Variants in NEDD4L observed in about 807,000 individuals in gnomAD.
NEDD4L encodes NEDD4 like E3 ubiquitin protein ligase, also known as E3 ubiquitin-protein ligase NEDD4-like.
Under a neutral mutation model 148.9 loss-of-function variants are expected in NEDD4L, and 54 were observed. That is an observed-to-expected ratio of 0.36 (90% CI 0.29 to 0.45). The LOEUF is 0.45. NEDD4L is among the 20% of genes least tolerant of loss of function. The pLI is 1.00. For synonymous variants in NEDD4L, 433 were observed against 440.7 expected, an observed-to-expected ratio of 0.98 and a Z score of 0.22; for missense variants, 856 against 1,233.8, an observed-to-expected ratio of 0.69 and a Z score of 4.59.
chr18:58,094,639 G>A (rs377208133), intron 1 of NEDD4L, among the ~76,000 whole-genome samples: 57 of 152,154 alleles, frequency 3.7e-4, no homozygotes, highest in African/African-American at 1.3e-3. Flanking sequence ...GTGTTTATTC[G>A]TAATCACACC....
At chr18:58,111,038 G>A (rs545318392) in intron 1 of NEDD4L, among the ~76,000 whole-genome samples, 7 of 152,196 alleles carry the variant, frequency 4.6e-5, no homozygotes, top group Admixed American at 3.3e-4. Flanking sequence ...TATATTCAAC[G>A]TTGTGCAACC....
intron 21 of NEDD4L, among the ~76,000 whole-genome samples, 165 bp from the exon 22 acceptor site, chr18:58,367,581 C>T (rs185060165): frequency 1.3e-3 from 195 of 152,322 alleles, no homozygotes; most frequent in Middle Eastern, 6.8e-3. Flanking sequence ...TGGTGGGTCA[C>T]GGTTGAGCAT....
intron 16 of NEDD4L, among the ~76,000 whole-genome samples, chr18:58,348,203 G>GC (rs1301855483): frequency 2.6e-5 from 4 of 151,866 alleles, no homozygotes; most frequent in African/African-American, 9.7e-5. Context: ...TTGCTTTGTT[G>GC]CCCAGGATGG....
intron 1 of NEDD4L, among the ~76,000 whole-genome samples, chr18:58,153,342 T>TC (rs1402897712): frequency 6.6e-6 from 1 of 151,208 alleles, no homozygotes; most frequent in African/African-American, 2.4e-5. Flanking sequence ...GACTTTTTTT[T>TC]TTTTTTTTTT....
At chr18:58,368,533 A>G (rs934107247) in intron 22 of NEDD4L, among the ~76,000 whole-genome samples, 1 of 152,218 alleles carries the variant, frequency 6.6e-6, no homozygotes, top group African/African-American at 2.4e-5. Context: ...ATACTTTTTA[A>G]GAGCCTGGAG....
intron 5 of NEDD4L, among the ~76,000 whole-genome samples, chr18:58,296,979 T>C (rs190263682): frequency 1.3e-5 from 2 of 151,394 alleles, no homozygotes; most frequent in East Asian, 3.9e-4. Context: ...CCCAGCTACT[T>C]GGGAGGCTGA....
At chr18:58,205,036 G>C (rs1855991036) in intron 2 of NEDD4L, among the ~76,000 whole-genome samples, 2 of 152,186 alleles carry the variant, frequency 1.3e-5, no homozygotes, top group African/African-American at 4.8e-5. Context: ...GGGATGTTTG[G>C]GTTGAGAGTT....
chr18:58,082,528 T>C (rs1190560637), intron 1 of NEDD4L, among the ~76,000 whole-genome samples: 2 of 151,236 alleles, frequency 1.3e-5, no homozygotes, highest in African/African-American at 4.9e-5. Flanking sequence ...TCCCAGCACT[T>C]TGGGGGGCTG....
chr18:58,315,113 T>A (rs961122817), intron 5 of NEDD4L, among the ~76,000 whole-genome samples: 1 of 152,174 alleles, frequency 6.6e-6, no homozygotes, highest in Non-Finnish European at 1.5e-5. Flanking sequence ...ATTTTGAATG[T>A]GGTGGAACCA....
chr18:58,373,303 GC>G, intron 24 of NEDD4L, 34 bp downstream of exon 24: 1 of 1,254,274 alleles, frequency 8.0e-7, no homozygotes. Flanking sequence ...CTCTTCTTTA[GC>G]TTTCAAGGGG....
chr18:58,180,926 G>T (rs1200957298), intron 2 of NEDD4L, among the ~76,000 whole-genome samples: 4 of 152,180 alleles, frequency 2.6e-5, no homozygotes, highest in South Asian at 2.1e-4. Flanking sequence ...TATTGGGGGG[G>T]TTACAGCACC....
At chr18:58,361,608 G>T (rs2045498672) in intron 19 of NEDD4L, among the ~76,000 whole-genome samples, 1 of 152,312 alleles carries the variant, frequency 6.6e-6, no homozygotes, top group East Asian at 1.9e-4. Flanking sequence ...ATGCGCTGGT[G>T]TCACTGATGT....
At chr18:58,205,510 G>GTGTGTGTT (rs2041894641) in intron 2 of NEDD4L, among the ~76,000 whole-genome samples, 1 of 152,084 alleles carries the variant, frequency 6.6e-6, no homozygotes. Context: ...GTGTGTGTGT[G>GTGTGTGTT]TGTGTGTGTG....
chr18:58,144,060 A>G (rs1275599215), intron 1 of NEDD4L, among the ~76,000 whole-genome samples: 2 of 152,026 alleles, frequency 1.3e-5, no homozygotes, highest in African/African-American at 4.8e-5. Context: ...CAAGACAGAA[A>G]ACATTCTGCC....
intron 1 of NEDD4L, among the ~76,000 whole-genome samples, chr18:58,153,475 G>C (rs1190940454): frequency 6.6e-6 from 1 of 151,712 alleles, no homozygotes; most frequent in Non-Finnish European, 1.5e-5. Flanking sequence ...GAGTAGCTGG[G>C]ATTACATGCA....
At chr18:58,181,021 T>C (rs12458881) in intron 2 of NEDD4L, among the ~76,000 whole-genome samples, 37,016 of 152,260 alleles carry the variant, frequency 0.24, 5,347 homozygotes, top group East Asian at 0.47. Context: ...GGAGTTCTTT[T>C]TCAGAGGACA....
At chr18:58,077,927 G>C (rs1441368149) in intron 1 of NEDD4L, among the ~76,000 whole-genome samples, 2 of 152,042 alleles carry the variant, frequency 1.3e-5, no homozygotes, top group Non-Finnish European at 2.9e-5. Flanking sequence ...CAGGGATGCT[G>C]CCGAGCATCC....
chr18:58,353,866 T>C (rs7243904), intron 18 of NEDD4L, among the ~76,000 whole-genome samples: 56,505 of 152,066 alleles, frequency 0.37, 11,844 homozygotes, highest in African/African-American at 0.57. Flanking sequence ...ATCTTGTAAA[T>C]TGCTTAGAGT....
At chr18:58,236,750 G>A (rs1321146613) in intron 2 of NEDD4L, among the ~76,000 whole-genome samples, 1 of 152,178 alleles carries the variant, frequency 6.6e-6, no homozygotes, top group African/African-American at 2.4e-5. Flanking sequence ...TTGGCTGGGC[G>A]CTGCGGCTCA....
Sources: gnomAD v4.1 joint callset for allele counts (sites outside exome capture counted in the v4.1 genomes callset) on GRCh38, gnomAD v4.1.1 for gene constraint, MANE v1.5 for transcripts, NCBI Gene and HGNC (gene_info 2026-07-23, HGNC 2026-07-21) for gene names.